Variants in NOS1AP observed in about 807,000 individuals in gnomAD.
The protein encoded by NOS1AP is carboxyl-terminal PDZ ligand of neuronal nitric oxide synthase protein.
NOS1AP carries 21 observed loss-of-function variants against 56.2 expected under a neutral mutation model. The observed-to-expected ratio is 0.37, with a 90% confidence interval of 0.26 to 0.54. The LOEUF (loss-of-function observed/expected upper bound fraction) is 0.54, where lower values mean the gene tolerates loss of function less well. Among genes scored for constraint, NOS1AP ranks in the 20% least tolerant of loss-of-function variants. NOS1AP has a pLI of 0.84. For synonymous variants in NOS1AP, 270 were observed against 274.6 expected, an observed-to-expected ratio of 0.98 and a Z score of 0.17; for missense variants, 522 against 657.8, an observed-to-expected ratio of 0.79 and a Z score of 2.26.
chr1:162,351,727 A>G (rs549721267), intron 6 of NOS1AP, among the ~76,000 whole-genome samples: 7 of 152,008 alleles, frequency 4.6e-5, no homozygotes, highest in African/African-American at 1.2e-4. Context: ...CCTTGTCCCT[A>G]TGTCTCCCCC....
intron 2 of NOS1AP, among the ~76,000 whole-genome samples, chr1:162,231,012 T>C (rs961599107): frequency 6.6e-6 from 1 of 152,238 alleles, no homozygotes; most frequent in African/African-American, 2.4e-5. Flanking sequence ...TACCCAGAAG[T>C]AGAATTGCTG....
At chr1:162,231,632 T>G (rs955075085) in intron 2 of NOS1AP, among the ~76,000 whole-genome samples, 2 of 152,226 alleles carry the variant, frequency 1.3e-5, no homozygotes, top group Non-Finnish European at 2.9e-5. Flanking sequence ...GTACAAACTG[T>G]ACTGTCATAC....
intron 2 of NOS1AP, among the ~76,000 whole-genome samples, chr1:162,183,888 A>G (rs968216716): frequency 1.3e-5 from 2 of 152,200 alleles, no homozygotes; most frequent in African/African-American, 4.8e-5. Context: ...CTTATTATGC[A>G]TGTGTTCACT....
At chr1:162,110,942 C>A (rs898384245) in intron 1 of NOS1AP, among the ~76,000 whole-genome samples, 1 of 152,208 alleles carries the variant, frequency 6.6e-6, no homozygotes, top group Non-Finnish European at 1.5e-5. Flanking sequence ...TCACTGATGT[C>A]CATTCATTCA....
chr1:162,243,886 G>C (rs1653577160), intron 2 of NOS1AP, among the ~76,000 whole-genome samples: 1 of 152,182 alleles, frequency 6.6e-6, no homozygotes, highest in African/African-American at 2.4e-5. Context: ...GGGGGTGTGA[G>C]TGGCAGGAAC....
chr1:162,365,182 T>C, intron 8 of NOS1AP: 5 of 1,433,660 alleles, frequency 3.5e-6, no homozygotes, highest in Non-Finnish European at 4.6e-6. Flanking sequence ...ATCATGGCCC[T>C]CCCTTAGGAC....
chr1:162,080,718 T>G (rs546274784), intron 1 of NOS1AP, among the ~76,000 whole-genome samples: 1 of 152,324 alleles, frequency 6.6e-6, no homozygotes, highest in African/African-American at 2.4e-5. Flanking sequence ...GTCTCCTTAA[T>G]TAGGCTACAA....
chr1:162,361,052 G>A (rs1490645293), intron 8 of NOS1AP: 1 of 394,172 alleles, frequency 2.5e-6, no homozygotes, highest in Non-Finnish European at 5.1e-6. Flanking sequence ...GTGTCATGAT[G>A]AGGCCAGAGT....
chr1:162,224,405 A>C (rs193052504), intron 2 of NOS1AP, among the ~76,000 whole-genome samples: 17 of 152,314 alleles, frequency 1.1e-4, no homozygotes, highest in Admixed American at 6.5e-4. Flanking sequence ...TGGTTAAAAC[A>C]ATAAACTTTT....
chr1:162,113,884 T>C (rs1353916090), intron 1 of NOS1AP, among the ~76,000 whole-genome samples: 1 of 152,142 alleles, frequency 6.6e-6, no homozygotes, highest in African/African-American at 2.4e-5. Flanking sequence ...TTGCCTCTAG[T>C]TGCTCTTGAG....
chr1:162,159,492 A>G (rs1256755053), intron 2 of NOS1AP, among the ~76,000 whole-genome samples: 1 of 152,174 alleles, frequency 6.6e-6, no homozygotes, highest in Admixed American at 6.5e-5. Context: ...ATAAATGCAG[A>G]TAAATACCCT....
intron 2 of NOS1AP, among the ~76,000 whole-genome samples, chr1:162,179,940 C>T (rs1308732360): frequency 1.3e-5 from 2 of 152,208 alleles, no homozygotes; most frequent in African/African-American, 4.8e-5. Flanking sequence ...GAGAAAAGGC[C>T]GGACACCATT....
intron 2 of NOS1AP, among the ~76,000 whole-genome samples, chr1:162,243,212 G>A (rs1653548788): frequency 6.6e-6 from 1 of 152,162 alleles, no homozygotes; most frequent in Non-Finnish European, 1.5e-5. Flanking sequence ...GGACAAGGGG[G>A]TGTTAGATGT....
At chr1:162,331,993 A>T (rs1656785564) in intron 4 of NOS1AP, among the ~76,000 whole-genome samples, 1 of 152,246 alleles carries the variant, frequency 6.6e-6, no homozygotes, top group Non-Finnish European at 1.5e-5. Flanking sequence ...CTCTGCTTAA[A>T]AGCCGATGGC....
At chr1:162,085,805 G>C (rs1292057973) in intron 1 of NOS1AP, among the ~76,000 whole-genome samples, 1 of 152,174 alleles carries the variant, frequency 6.6e-6, no homozygotes, top group African/African-American at 2.4e-5. Flanking sequence ...TGGAAAGATA[G>C]GCACATTATA....
chr1:162,365,073 T>TGTGTGC lies in NOS1AP; in HGVS notation c.940-331_940-330insGTGTGC, dbSNP rs1553210337. ...GGAGCACCGTGCGTGTGTGTGTGTA[T>TGTGTGC]ATGTGCACGTGTGTGTGTACGTGTG... is the stretch of plus-strand genomic sequence containing the variant. On this transcript the variant is annotated intron_variant, in intron 8 of 9. Coordinates refer to ENST00000361897, the MANE Select transcript of NOS1AP (RefSeq NM_014697.3). 1.9e-3 allele frequency: 2,124 copies of TGTGTGC among 1,100,770 alleles called. 3 individuals are homozygous for TGTGTGC. Among genetic ancestry groups the TGTGTGC allele is most frequent in the Non-Finnish European group, 2.3e-3 (2,030 of 892,568 alleles). 68.2% of individuals were successfully genotyped at this position (1,100,770 alleles called of 1,614,324 possible). A position where few individuals can be genotyped will look rare whatever the true frequency, so the allele number is the denominator to read the frequency against.
intron 2 of NOS1AP, among the ~76,000 whole-genome samples, chr1:162,223,740 A>G (rs1652856573): frequency 6.6e-6 from 1 of 152,334 alleles, no homozygotes; most frequent in Admixed American, 6.5e-5. Context: ...AAATTATTAA[A>G]ATTTCAAAGC....
At chr1:162,262,312 T>C (rs1654265399) in intron 2 of NOS1AP, among the ~76,000 whole-genome samples, 1 of 152,186 alleles carries the variant, frequency 6.6e-6, no homozygotes, top group Non-Finnish European at 1.5e-5. Context: ...GTATTTTCGG[T>C]GTGATTCCAG....
intron 2 of NOS1AP, among the ~76,000 whole-genome samples, chr1:162,221,355 C>T (rs1004513589): frequency 3.2e-4 from 49 of 152,150 alleles, no homozygotes; most frequent in Non-Finnish European, 1.0e-4. Flanking sequence ...TTCTTTCTGC[C>T]TGTCTTACTG....
Sources: allele counts gnomAD v4.1 joint callset (sites outside exome capture counted in the v4.1 genomes callset), GRCh38; gene constraint gnomAD v4.1.1; transcripts MANE v1.5; gene names NCBI Gene and HGNC (gene_info 2026-07-23, HGNC 2026-07-21).